Variants in LPP observed in about 807,000 individuals in gnomAD.
LPP encodes the protein lipoma-preferred partner.
In LPP, 38 loss-of-function variants were observed where a neutral mutation model predicts 60.4. That is an observed-to-expected ratio of 0.63 (90% CI 0.49 to 0.83). The LOEUF (loss-of-function observed/expected upper bound fraction) is 0.83. Among genes scored for constraint, LPP ranks in the 40% least tolerant of loss-of-function variants. The probability of loss-of-function intolerance (pLI) is 0.00; values close to 1 mark genes in which losing one functional copy is unlikely to be tolerated. For missense variants in LPP, 902 were observed against 783.6 expected (o/e 1.15, Z -1.80); for synonymous variants, 328 against 290.8 (o/e 1.13, Z -1.30).
intron 9 of LPP, among the ~76,000 whole-genome samples, chr3:188,799,344 A>C (rs1421415221): frequency 1.3e-5 from 2 of 152,208 alleles, no homozygotes. Context: ...GTACAAAACC[A>C]CTTAAGATTT....
chr3:188,856,750 T>C lies in LPP; in HGVS notation c.1411-9450T>C, dbSNP rs550098647. ...TGAAACTGGTCTAAATGTTGGTTAA[T>C]AGCCTCTATTTATAGGTTGCTGATA... is the stretch of plus-strand genomic sequence containing the variant. On this transcript the variant is annotated intron_variant, in intron 9 of 11. Coordinates refer to ENST00000617246, the MANE Select transcript of LPP (RefSeq NM_001375462.1). 2.1e-4 allele frequency among the ~76,000 whole-genome samples: 32 copies of C among 152,340 alleles called. No individual in the cohort carries two copies. In the East Asian group the frequency reaches 6.0e-3, roughly 29 times the overall value.
intron 9 of LPP, among the ~76,000 whole-genome samples, chr3:188,821,258 C>G (rs1753885960): frequency 6.7e-6 from 1 of 150,280 alleles, no homozygotes; most frequent in Non-Finnish European, 1.5e-5. Context: ...CAGTGGTTCT[C>G]AATTATAGCT....
intron 3 of LPP, among the ~76,000 whole-genome samples, chr3:188,342,393 A>G (rs929005466): frequency 6.6e-6 from 1 of 152,208 alleles, no homozygotes; most frequent in African/African-American, 2.4e-5. Flanking sequence ...ATGGAGGCCA[A>G]TGGAGAAAAA....
chr3:188,237,065 T>C (rs1722173854), intron 2 of LPP, among the ~76,000 whole-genome samples: 1 of 152,004 alleles, frequency 6.6e-6, no homozygotes, highest in Non-Finnish European at 1.5e-5. Context: ...TTATGAAATA[T>C]TTGATATACT....
intron 7 of LPP, among the ~76,000 whole-genome samples, chr3:188,615,233 A>G (rs948299585): frequency 6.6e-6 from 1 of 152,178 alleles, no homozygotes; most frequent in Admixed American, 6.5e-5. Context: ...ATTCCAGCTG[A>G]TATGTTACAT....
chr3:188,462,252 T>C (rs1799134386), intron 4 of LPP, among the ~76,000 whole-genome samples: 2 of 151,474 alleles, frequency 1.3e-5, no homozygotes, highest in Admixed American at 1.3e-4. Context: ...TTATTATTAT[T>C]CTCATTTTGA....
chr3:188,362,708 G>T (rs1246019793), intron 3 of LPP, among the ~76,000 whole-genome samples: 1 of 152,164 alleles, frequency 6.6e-6, no homozygotes, highest in African/African-American at 2.4e-5. Flanking sequence ...TGTGTATAGT[G>T]CCCATTGTGG....
intron 2 of LPP, among the ~76,000 whole-genome samples, chr3:188,305,478 C>G (rs1751225407): frequency 1.3e-5 from 2 of 152,140 alleles, no homozygotes; most frequent in Admixed American, 1.3e-4. Flanking sequence ...CAGGTTAATT[C>G]TGACAAGGTG....
In LPP at chr3:188,609,626, G is replaced by A. The variant is rs1157311058; in HGVS notation, c.895G>A (p.Gly299Ser). The A allele has an allele frequency of 6.2e-7, 1 of 1,614,026 alleles. No individual in the cohort carries two copies. Among genetic ancestry groups the A allele is most frequent in the African/African-American group, 1.3e-5 (1 of 74,910 alleles). Residue 299 changes from glycine (G) to serine (S), a missense_variant, in exon 7 of 12, where the codon GGC becomes AGC. Transcript: ENST00000617246. The surrounding 1 kb of genome is among the most constrained non-coding windows in gnomAD (Gnocchi z 6.9). ...YAPNQGRYYE[G>S]YYAAGPGYGG... ...CCCCAACCAGGGACGCTATTATGAA[G>A]GCTACTATGCAGCAGGGCCAGGCTA...
chr3:188,366,710 TCA>T (rs1168566281), intron 3 of LPP, among the ~76,000 whole-genome samples: 1 of 152,092 alleles, frequency 6.6e-6, no homozygotes, highest in Non-Finnish European at 1.5e-5. Flanking sequence ...ACTGCTAAAA[TCA>T]CAGACTCATG....
intron 1 of LPP, among the ~76,000 whole-genome samples, chr3:188,189,782 A>G (rs972558113): frequency 6.6e-6 from 1 of 152,184 alleles, no homozygotes; most frequent in African/African-American, 2.4e-5. Context: ...GAGCTCTGCC[A>G]GGGTCCTTTG....
chr3:188,875,333 T>C lies in LPP; in HGVS notation c.*854T>C, dbSNP rs1028958285. On this transcript the variant is annotated 3_prime_UTR_variant, in exon 12 of 12. Coordinates refer to ENST00000617246, the MANE Select transcript of LPP (RefSeq NM_001375462.1). ...TAATACAGACAAACTTGATTTCTTC[T>C]AGAAGATAACATTTTCAATACTGTC... 4.6e-6 allele frequency: 1 copy of C among 219,438 alleles called. No homozygotes were observed. The highest frequency in any genetic ancestry group is 5.8e-5 in the Admixed American group (1 of 17,342). The allele number at this position is 219,438 out of a possible 1,614,324, so 13.6% of individuals were successfully genotyped here.
chr3:188,673,875 T>A (rs1857439980), intron 7 of LPP, among the ~76,000 whole-genome samples: 2 of 119,490 alleles, frequency 1.7e-5, no homozygotes, highest in African/African-American at 6.3e-5. Context: ...TCTGTCTCTG[T>A]AATTTTTTTC....
intron 3 of LPP, among the ~76,000 whole-genome samples, chr3:188,363,628 T>C (rs568991717): frequency 6.6e-6 from 1 of 152,116 alleles, no homozygotes; most frequent in Non-Finnish European, 1.5e-5. Flanking sequence ...TGTCCTGGGC[T>C]GAGCGCAGTG....
intron 9 of LPP, among the ~76,000 whole-genome samples, chr3:188,765,008 A>G (rs1560174562): frequency 6.6e-6 from 1 of 152,154 alleles, no homozygotes; most frequent in Non-Finnish European, 1.5e-5. Context: ...CCCTTATGTC[A>G]TCAAATGGCT....
Position 188,288,817 on chromosome 3 carries a change from C to CCA in LPP, c.-66-52846_-66-52845insCA, listed in dbSNP as rs1553851076. Among the ~76,000 whole-genome samples the CCA allele has an allele frequency of 1.3e-3, 123 of 92,914 alleles. 3 individuals are homozygous for CCA. The highest frequency in any genetic ancestry group is 1.9e-3 in the African/African-American group (41 of 21,486). 61.0% of individuals were successfully genotyped at this position (92,914 alleles called of 152,430 possible). A position where few individuals can be genotyped will look rare whatever the true frequency, so the allele number is the denominator to read the frequency against. On this transcript the variant is annotated intron_variant, in intron 2 of 11. Coordinates refer to ENST00000617246, the MANE Select transcript of LPP (RefSeq NM_001375462.1). ...AATCTCTCTCTCTCTCTCCACCCCC[C>CCA]ACCCCCCACCCCCACCCCCCCGCCC...
intron 8 of LPP, among the ~76,000 whole-genome samples, chr3:188,740,133 T>A (rs1411792477): frequency 6.6e-6 from 1 of 152,050 alleles, no homozygotes; most frequent in Non-Finnish European, 1.5e-5. Context: ...GGGAGCCAGG[T>A]TGTCAATGTG....
intron 3 of LPP, among the ~76,000 whole-genome samples, chr3:188,349,693 A>G (rs1765329403): frequency 6.6e-6 from 1 of 152,182 alleles, no homozygotes; most frequent in South Asian, 2.1e-4. Context: ...GGCCTGCCCC[A>G]TGGATGGCAC....
intron 2 of LPP, among the ~76,000 whole-genome samples, chr3:188,253,717 C>T (rs576869440): frequency 6.6e-6 from 1 of 152,190 alleles, no homozygotes; most frequent in African/African-American, 2.4e-5. Context: ...CCATTTTTGT[C>T]AAAAATTAAC....
Sources: allele counts gnomAD v4.1 joint callset (sites outside exome capture counted in the v4.1 genomes callset), GRCh38; gene constraint gnomAD v4.1.1; non-coding constraint Gnocchi (gnomAD v3.1); transcripts MANE v1.5; gene names NCBI Gene and HGNC (gene_info 2026-07-23, HGNC 2026-07-21).